Variants in HIVEP2 observed in about 807,000 individuals in gnomAD.
HIVEP2 encodes transcription factor HIVEP2.
HIVEP2 carries 14 observed loss-of-function variants against 180.7 expected under a neutral mutation model. The ratio of observed to expected loss-of-function variants is 0.08; its 90% CI spans 0.05 to 0.12. HIVEP2 has a LOEUF of 0.12. Ranked by LOEUF, HIVEP2 falls within the 10% of genes least tolerant of loss-of-function variation. The probability of loss-of-function intolerance (pLI) is 1.00; values close to 1 mark genes in which losing one functional copy is unlikely to be tolerated. For missense variants in HIVEP2, 2,579 were observed against 3,008.5 expected (o/e 0.86, Z 3.34); for synonymous variants, 1,184 against 1,136.4 (o/e 1.04, Z -0.84).
chr6:142,861,987 C>A (rs1202367861), intron 1 of HIVEP2, among the ~76,000 whole-genome samples: 5 of 152,112 alleles, frequency 3.3e-5, no homozygotes, highest in Admixed American at 1.3e-4. Flanking sequence ...ACAACAATGA[C>A]AAAGTGGCAC....
intron 1 of HIVEP2, among the ~76,000 whole-genome samples, chr6:142,913,952 C>T (rs566056093): frequency 7.2e-5 from 11 of 152,254 alleles, no homozygotes; most frequent in South Asian, 2.1e-4. Context: ...CCACAGTGTA[C>T]CGCAAAACTC....
intron 1 of HIVEP2, among the ~76,000 whole-genome samples, chr6:142,893,867 C>A (rs1776919662): frequency 6.6e-6 from 1 of 152,082 alleles, no homozygotes; most frequent in Admixed American, 6.6e-5. Context: ...TCTCTGTAAA[C>A]CTATTTAAAA....
chr6:142,884,446 T>TTGTTTAAA (rs1476169641), intron 1 of HIVEP2, among the ~76,000 whole-genome samples: 2 of 152,140 alleles, frequency 1.3e-5, no homozygotes, highest in African/African-American at 4.8e-5. Context: ...TGTTTTAATT[T>TTGTTTAAA]TGCCTAATTG....
chr6:142,886,420 G>A (rs900854860), intron 1 of HIVEP2, among the ~76,000 whole-genome samples: 2 of 152,148 alleles, frequency 1.3e-5, no homozygotes, highest in Admixed American at 6.6e-5. Context: ...TACCCTGCAA[G>A]CAGGTCGTTC....
chr6:142,769,582 T>G lies in HIVEP2; in HGVS notation c.5157A>C (p.Thr1719=), dbSNP rs759968960. ...AMHRPGTGKL[T]SSSAWKQFTQ... ...TAAACTGCTTCCAAGCACTTGATGA[T>G]GTAAGCTTGCCGGTTCCAGGCCTAT... The change falls in exon 5 of 10, where the codon ACA becomes ACC. Residue 1719 remains threonine, a synonymous_variant. Coordinates refer to ENST00000367603, the MANE Select transcript of HIVEP2 (RefSeq NM_006734.4). 6.2e-7 allele frequency: 1 copy of G among 1,614,192 alleles called. No individual in the cohort carries two copies. Among genetic ancestry groups the G allele is most frequent in the Non-Finnish European group, 8.5e-7 (1 of 1,180,030 alleles).
Position 142,753,531 on chromosome 6 carries a change from A to G in HIVEP2, c.6917T>C (p.Met2306Thr). 2 of 1,614,122 alleles carry G rather than the reference A, an allele frequency of 1.2e-6. No homozygotes were observed. Among genetic ancestry groups the G allele is most frequent in the Non-Finnish European group, 1.7e-6 (2 of 1,180,012 alleles). Residue 2306 changes from methionine to threonine, a missense_variant, in exon 10 of 10, where the codon ATG (methionine) becomes ACG (threonine). Met to Thr is a moderately conservative substitution (Grantham distance 81, BLOSUM62 -1). Coordinates refer to ENST00000367603, the MANE Select transcript of HIVEP2 (RefSeq NM_006734.4). ...PSTPSSPRLLMKQSTSEDSLN... is the reference protein window; with the variant it reads ...PSTPSSPRLLTKQSTSEDSLN... ...GCTGTCTTCCGAAGTGCTCTGTTTC[A>G]TCAACAGCCGAGGAGAGGAGGGAGT...
chr6:142,759,157 G>T (rs1184064283), intron 9 of HIVEP2, among the ~76,000 whole-genome samples: 1 of 151,958 alleles, frequency 6.6e-6, no homozygotes, highest in East Asian at 1.9e-4. Flanking sequence ...ACAAAAATTA[G>T]CCAGGTGTGG....
At chr6:142,903,675 A>G (rs531869291) in intron 1 of HIVEP2, among the ~76,000 whole-genome samples, 2 of 152,328 alleles carry the variant, frequency 1.3e-5, no homozygotes, top group South Asian at 4.1e-4. Context: ...TTCACACACT[A>G]ATTCTGATAT....
At position 142,755,274 on chromosome 6, in the gene HIVEP2, C is replaced by T. The variant is rs185257823; in HGVS notation, c.6517-1343G>A. 3.7e-4 allele frequency among the ~76,000 whole-genome samples: 56 copies of T among 152,286 alleles called. 1 individual carries two copies. The highest frequency in any genetic ancestry group is 3.4e-3 in the Middle Eastern group (1 of 294). The stretch of plus-strand genomic sequence containing the variant: ...GCAATCATTAACACTATCGTTACCA[C>T]GACCTCATAAGCTGGGAAAGGTGGG... On this transcript the variant is annotated intron_variant, in intron 9 of 9. Coordinates refer to ENST00000367603, the MANE Select transcript of HIVEP2 (RefSeq NM_006734.4).
intron 2 of HIVEP2, among the ~76,000 whole-genome samples, chr6:142,796,085 G>A (rs1238003374): frequency 6.6e-6 from 1 of 151,906 alleles, no homozygotes; most frequent in Non-Finnish European, 1.5e-5. Flanking sequence ...TATTGCTGTT[G>A]TCATTGATAC....
rs56853043 is a variant in HIVEP2, at chr6:142,859,834, C to CAAA, written c.-640-22790_-640-22788dup. On this transcript the variant is annotated intron_variant, in intron 1 of 9. Coordinates refer to ENST00000367603, the MANE Select transcript of HIVEP2 (RefSeq NM_006734.4). ...GGGCAATAAGAGTGAAACTCCGTCT[C>CAAA]AAAAAAAAAAAAAAAAAAAAGGAAA... Among the ~76,000 whole-genome samples, 187 of 73,586 alleles carry CAAA rather than the reference C, an allele frequency of 2.5e-3. 1 individual carries two copies. Among genetic ancestry groups the CAAA allele is most frequent in the Non-Finnish European group, 3.4e-3 (134 of 39,332 alleles). 48.3% of individuals were successfully genotyped at this position (73,586 alleles called of 152,430 possible).
intron 1 of HIVEP2, among the ~76,000 whole-genome samples, chr6:142,856,509 G>C (rs913913808): frequency 6.6e-6 from 1 of 152,294 alleles, no homozygotes; most frequent in South Asian, 2.1e-4. Flanking sequence ...TTTTGGAACT[G>C]CCTCAGCAGT....
intron 1 of HIVEP2, among the ~76,000 whole-genome samples, chr6:142,914,230 CT>C (rs957875522): frequency 9.9e-5 from 15 of 151,938 alleles, no homozygotes; most frequent in African/African-American, 3.6e-4. Context: ...AAGACATAAG[CT>C]TTTTTTTCAT....
intron 1 of HIVEP2, among the ~76,000 whole-genome samples, chr6:142,916,855 A>C (rs923239969): frequency 2.0e-5 from 3 of 152,226 alleles, no homozygotes; most frequent in African/African-American, 4.8e-5. Flanking sequence ...AATAATCAAC[A>C]GTAAGCAAAT....
At chr6:142,867,755 T>C (rs1397383081) in intron 1 of HIVEP2, among the ~76,000 whole-genome samples, 3 of 152,208 alleles carry the variant, frequency 2.0e-5, no homozygotes, top group African/African-American at 7.2e-5. Context: ...TGGACAAATA[T>C]ATGCTTTCAG....
chr6:142,832,049 T>C (rs1775100120), intron 2 of HIVEP2, among the ~76,000 whole-genome samples: 1 of 151,674 alleles, frequency 6.6e-6, no homozygotes, highest in African/African-American at 2.4e-5. Context: ...AAAAATCAGC[T>C]GGGCATGGTG....
At chr6:142,810,383 T>C (rs1007630836) in intron 2 of HIVEP2, among the ~76,000 whole-genome samples, 1 of 152,192 alleles carries the variant, frequency 6.6e-6, no homozygotes, top group Non-Finnish European at 1.5e-5. Flanking sequence ...TATAAATTAT[T>C]TGTCATGCTT....
intron 1 of HIVEP2, among the ~76,000 whole-genome samples, chr6:142,941,200 G>T (rs1291879277): frequency 6.6e-6 from 1 of 152,120 alleles, no homozygotes; most frequent in East Asian, 1.9e-4. Flanking sequence ...ATCTAATGTC[G>T]ATATTCACGG....
intron 2 of HIVEP2, among the ~76,000 whole-genome samples, chr6:142,814,565 A>G (rs75280636): frequency 0.12 from 18,368 of 152,126 alleles, 1,397 homozygotes; most frequent in Middle Eastern, 0.2. Context: ...GGAATCGGTT[A>G]TATGTGTCAG....
Sources: allele counts gnomAD v4.1 joint callset (sites outside exome capture counted in the v4.1 genomes callset), GRCh38; gene constraint gnomAD v4.1.1; transcripts MANE v1.5; gene names NCBI Gene and HGNC (gene_info 2026-07-23, HGNC 2026-07-21).